The following CNBD1 variants were observed in gnomAD, a reference collection of about 807,000 sequenced individuals.
CNBD1 encodes the protein cyclic nucleotide binding domain containing 1.
Under a neutral mutation model 54.4 loss-of-function variants are expected in CNBD1, and 71 were observed. The observed-to-expected ratio is 1.30, with a 90% confidence interval of 1.08 to 1.59. The LOEUF is 1.59. Ranked by LOEUF, CNBD1 falls within the 40% of genes most tolerant of loss-of-function variation. The probability of loss-of-function intolerance (pLI) is 0.00; values close to 1 mark genes in which losing one functional copy is unlikely to be tolerated. For synonymous variants in CNBD1, 182 were observed against 170.7 expected (o/e 1.07, Z -0.51); for missense variants, 659 against 518.0 (o/e 1.27, Z -2.64).
chr8:87,333,506 TG>T (rs1329164716), intron 8 of CNBD1, among the ~76,000 whole-genome samples: 1 of 152,196 alleles, frequency 6.6e-6, no homozygotes, highest in Non-Finnish European at 1.5e-5. Context: ...ATATTGGCTG[TG>T]GGTTTGTCAT....
chr8:87,007,899 T>A (rs778705474), intron 4 of CNBD1, among the ~76,000 whole-genome samples: 1 of 152,166 alleles, frequency 6.6e-6, no homozygotes, highest in Non-Finnish European at 1.5e-5. Context: ...GCTCACAAGA[T>A]CATTAAATGA....
At chr8:86,981,766 A>G (rs984636470) in intron 4 of CNBD1, among the ~76,000 whole-genome samples, 4 of 152,196 alleles carry the variant, frequency 2.6e-5, no homozygotes, top group African/African-American at 9.7e-5. Flanking sequence ...GTAGCATTCC[A>G]TAGTATGGAT....
intron 4 of CNBD1, among the ~76,000 whole-genome samples, chr8:87,169,451 C>T (rs1813039872): frequency 6.6e-6 from 1 of 151,920 alleles, no homozygotes; most frequent in Admixed American, 6.6e-5. Flanking sequence ...GTTGACTGTC[C>T]TCGTGGGGTA....
At chr8:87,329,487 T>C (rs1477941890) in intron 8 of CNBD1, among the ~76,000 whole-genome samples, 1 of 152,106 alleles carries the variant, frequency 6.6e-6, no homozygotes, top group Admixed American at 6.6e-5. Context: ...GTATATTATT[T>C]TGGGAAAGTC....
intron 4 of CNBD1, among the ~76,000 whole-genome samples, chr8:86,948,764 A>T (rs908880631): frequency 4.6e-5 from 7 of 152,104 alleles, no homozygotes; most frequent in Admixed American, 2.6e-4. Context: ...TTACAACTTG[A>T]TGTGATCTCA....
intron 2 of CNBD1, among the ~76,000 whole-genome samples, chr8:87,414,757 A>G (rs775523006): frequency 1.3e-5 from 2 of 148,872 alleles, no homozygotes; most frequent in Non-Finnish European, 3.0e-5. Context: ...TGTGACTTGA[A>G]AACTAAAGTA....
intron 6 of CNBD1, among the ~76,000 whole-genome samples, chr8:87,240,360 C>T (rs1807669586): frequency 6.6e-6 from 1 of 152,086 alleles, no homozygotes; most frequent in African/African-American, 2.4e-5. Context: ...ATATATTCAA[C>T]AGGCAGGGCC....
intron 4 of CNBD1, among the ~76,000 whole-genome samples, chr8:86,969,972 A>G (rs1808183998): frequency 6.6e-6 from 1 of 151,796 alleles, no homozygotes; most frequent in Non-Finnish European, 1.5e-5. Flanking sequence ...TAATATTTTC[A>G]TTATTGTGGT....
chr8:86,974,794 A>G (rs571644617), intron 4 of CNBD1, among the ~76,000 whole-genome samples: 87 of 152,150 alleles, frequency 5.7e-4, no homozygotes, highest in African/African-American at 2.1e-3. Context: ...TCTATTCTTA[A>G]GCTGGATAAT....
chr8:87,082,656 T>A (rs1158171499), intron 4 of CNBD1, among the ~76,000 whole-genome samples: 6 of 150,120 alleles, frequency 4.0e-5, no homozygotes, highest in Non-Finnish European at 7.4e-5. Context: ...CTGAACCCTG[T>A]GTGTGTGTGT....
chr8:87,238,418 A>G (rs4961014), intron 6 of CNBD1, among the ~76,000 whole-genome samples: 141,168 of 152,084 alleles, frequency 0.93, 65,993 homozygotes, highest in African/African-American at 0.99. Flanking sequence ...AAACAGACCC[A>G]AACCAAAACT....
chr8:86,913,643 C>T (rs1466611194), intron 3 of CNBD1, among the ~76,000 whole-genome samples: 1 of 152,098 alleles, frequency 6.6e-6, no homozygotes, highest in Non-Finnish European at 1.5e-5. Context: ...TCACAGAGAT[C>T]ACATGCTTCA....
At chr8:87,333,560 G>A (rs896237536) in intron 8 of CNBD1, among the ~76,000 whole-genome samples, 7 of 152,102 alleles carry the variant, frequency 4.6e-5, no homozygotes, top group Non-Finnish European at 1.0e-4. Context: ...TCAATACCTA[G>A]TTTATTGAGA....
chr8:87,390,134 C>G (rs1811277495), intron 2 of CNBD1, among the ~76,000 whole-genome samples: 1 of 151,634 alleles, frequency 6.6e-6, no homozygotes, highest in South Asian at 2.1e-4. Flanking sequence ...AGACCTAAAA[C>G]CATAAAAACC....
At chr8:86,921,995 T>C (rs1809282385) in intron 3 of CNBD1, among the ~76,000 whole-genome samples, 1 of 151,996 alleles carries the variant, frequency 6.6e-6, no homozygotes, top group Admixed American at 6.6e-5. Context: ...TGAGAGTGCT[T>C]ACATTGAGGG....
intron 2 of CNBD1, among the ~76,000 whole-genome samples, chr8:87,425,153 C>T (rs913943485): frequency 6.6e-6 from 1 of 152,142 alleles, no homozygotes; most frequent in African/African-American, 2.4e-5. Context: ...AGTTCTCGGG[C>T]CTTGGTTTTC....
intron 10 of CNBD1, among the ~76,000 whole-genome samples, chr8:87,376,828 C>T (rs181873714): frequency 6.6e-6 from 1 of 151,642 alleles, no homozygotes; most frequent in Admixed American, 6.6e-5. Context: ...GAATTCGGAC[C>T]CAATTCTGTC....
chr8:87,340,091 G>T (rs534551117), intron 8 of CNBD1, among the ~76,000 whole-genome samples: 2 of 152,062 alleles, frequency 1.3e-5, no homozygotes, highest in Non-Finnish European at 2.9e-5. Context: ...TAATAACCTC[G>T]CTTAGCTTTG....
intron 4 of CNBD1, among the ~76,000 whole-genome samples, chr8:87,064,384 A>G (rs535001268): frequency 1.3e-5 from 2 of 152,074 alleles, no homozygotes; most frequent in Non-Finnish European, 2.9e-5. Context: ...TTGTTTCTGT[A>G]GAATTCTTCT....
Sources: allele counts gnomAD v4.1 joint callset (sites outside exome capture counted in the v4.1 genomes callset), GRCh38; gene constraint gnomAD v4.1.1; transcripts MANE v1.5; gene names NCBI Gene and HGNC (gene_info 2026-07-23, HGNC 2026-07-21).